SHISA9: variants seen among roughly 807,000 people sequenced by gnomAD.
SHISA9 encodes the protein shisa family member 9, also known as protein shisa-9.
In SHISA9, 13 loss-of-function variants were observed where a neutral mutation model predicts 38.0. That is an observed-to-expected ratio of 0.34 (90% CI 0.22 to 0.54). The LOEUF (loss-of-function observed/expected upper bound fraction) is 0.54. Among genes scored for constraint, SHISA9 ranks in the 20% least tolerant of loss-of-function variants. The pLI is 0.91. For missense variants in SHISA9, 538 were observed against 575.8 expected (o/e 0.93, Z 0.67); for synonymous variants, 275 against 242.0 (o/e 1.14, Z -1.27).
intron 2 of SHISA9, among the ~76,000 whole-genome samples, chr16:12,962,260 C>T (rs1383331621): frequency 6.6e-6 from 1 of 152,230 alleles, no homozygotes; most frequent in Non-Finnish European, 1.5e-5. Flanking sequence ...CAAGGACTTG[C>T]ACACAGACAG....
At chr16:13,472,377 A>ATTTTTTTTTTTTTTTTTTTTTTTTTT in the SHISA9 span, among the ~76,000 whole-genome samples, 1 of 55,416 alleles carries the variant, frequency 1.8e-5, no homozygotes, top group African/African-American at 7.3e-5. Flanking sequence ...GCTCTGCTAA[A>ATTTTTTTTTTTTTTTTTTTTTTTTTT]TTTTTTTTTT....
chr16:13,332,560 G>A, the SHISA9 span: 1 of 152,116 alleles, frequency 6.6e-6, no homozygotes, highest in East Asian at 1.9e-4. Flanking sequence ...CTTCAAATTG[G>A]ATTTAAAAGG....
At chr16:13,203,305 GTT>G in intron 2 of SHISA9, 87 bp from the exon 3 acceptor site, 1 of 1,281,898 alleles carries the variant, frequency 7.8e-7, no homozygotes, top group South Asian at 2.2e-5. Context: ...GGTGGGGAGA[GTT>G]TTGGTCTCCA....
chr16:12,926,904 A>C (rs2071399765), intron 2 of SHISA9, among the ~76,000 whole-genome samples: 1 of 152,124 alleles, frequency 6.6e-6, no homozygotes, highest in African/African-American at 2.4e-5. Context: ...ATTTTGTACA[A>C]ATTGCATACA....
intron 2 of SHISA9, among the ~76,000 whole-genome samples, chr16:12,976,513 T>A (rs906774384): frequency 2.0e-5 from 3 of 152,162 alleles, no homozygotes; most frequent in African/African-American, 7.2e-5. Flanking sequence ...TCTGACTAAT[T>A]CCTATTCCGC....
the SHISA9 span, among the ~76,000 whole-genome samples, chr16:13,461,504 T>A: frequency 6.7e-6 from 1 of 148,784 alleles, no homozygotes. Flanking sequence ...GCCTGACCCC[T>A]GGAGGCAGAA....
the SHISA9 span, among the ~76,000 whole-genome samples, chr16:13,364,176 A>T: frequency 6.6e-6 from 1 of 152,210 alleles, no homozygotes; most frequent in Non-Finnish European, 1.5e-5. Context: ...GAACTGACAG[A>T]TTTACTCTGC....
At chr16:13,365,753 C>T in the SHISA9 span, among the ~76,000 whole-genome samples, 13 of 152,292 alleles carry the variant, frequency 8.5e-5, no homozygotes, top group African/African-American at 2.9e-4. Flanking sequence ...GCCACTGTGC[C>T]TGGCCCCAGA....
At chr16:13,004,554 A>G (rs986552150) in intron 2 of SHISA9, among the ~76,000 whole-genome samples, 1 of 152,226 alleles carries the variant, frequency 6.6e-6, no homozygotes, top group Non-Finnish European at 1.5e-5. Context: ...TGCTTGGTGT[A>G]GAGTGGACTG....
chr16:13,152,300 T>C (rs2050506619), intron 2 of SHISA9, among the ~76,000 whole-genome samples: 1 of 152,230 alleles, frequency 6.6e-6, no homozygotes, highest in Non-Finnish European at 1.5e-5. Context: ...TGTCTATGTG[T>C]CTGCCTATCT....
the SHISA9 span, among the ~76,000 whole-genome samples, chr16:13,434,425 T>G: frequency 1.5e-4 from 20 of 132,368 alleles, 2 homozygotes; most frequent in Admixed American, 3.3e-4. Context: ...CTATGTTTTT[T>G]TTTTTTTTTT....
In SHISA9 at chr16:13,175,856, C is replaced by T. The variant is rs145341678; in HGVS notation, c.692-27538C>T. Among the ~76,000 whole-genome samples the T allele has an allele frequency of 1.2e-3, 190 of 152,160 alleles. 1 individual carries two copies. In the Middle Eastern group the frequency reaches 0.031, roughly 25 times the overall value. On this transcript the variant is annotated intron_variant, in intron 2 of 4. Coordinates refer to ENST00000558583, the MANE Select transcript of SHISA9 (RefSeq NM_001145204.3). ...GGGTGGGTGGGGGCTTTCCTTAGAA[C>T]GTCACATGTGAGGAGACCAAGCAAG... is the stretch of plus-strand genomic sequence containing the variant.
the SHISA9 span, among the ~76,000 whole-genome samples, chr16:13,354,218 A>G: frequency 7.5e-6 from 1 of 133,542 alleles, no homozygotes; most frequent in African/African-American, 2.8e-5. Flanking sequence ...ATAGATTTCC[A>G]CGATGGAAAG....
At chr16:13,173,599 G>A (rs1567235241) in intron 2 of SHISA9, among the ~76,000 whole-genome samples, 1 of 152,176 alleles carries the variant, frequency 6.6e-6, no homozygotes, top group Non-Finnish European at 1.5e-5. Context: ...AATGCCTAGA[G>A]ACATTTTTGG....
intron 2 of SHISA9, among the ~76,000 whole-genome samples, chr16:12,962,520 A>C (rs1363562082): frequency 6.6e-6 from 1 of 152,174 alleles, no homozygotes; most frequent in Non-Finnish European, 1.5e-5. Flanking sequence ...ATGAGGGTGG[A>C]GCTCCCATGA....
At chr16:13,416,883 AG>A in the SHISA9 span, among the ~76,000 whole-genome samples, 1 of 151,976 alleles carries the variant, frequency 6.6e-6, no homozygotes. Context: ...TGAAGGAAGA[AG>A]GAAGAGCAAG....
the SHISA9 span, among the ~76,000 whole-genome samples, chr16:13,499,627 T>TAA: frequency 3.9e-5 from 6 of 152,142 alleles, no homozygotes; most frequent in Admixed American, 1.3e-4. Context: ...TGTTTTATAA[T>TAA]AAAAAAACAT....
the SHISA9 span, among the ~76,000 whole-genome samples, chr16:13,325,472 C>G: frequency 6.6e-6 from 1 of 152,158 alleles, no homozygotes; most frequent in South Asian, 2.1e-4. Flanking sequence ...ATTCCTTTGG[C>G]CAAGATGGGA....
At chr16:13,283,015 T>C in the SHISA9 span, among the ~76,000 whole-genome samples, 1 of 152,164 alleles carries the variant, frequency 6.6e-6, no homozygotes, top group Non-Finnish European at 1.5e-5. Flanking sequence ...TTAATGACTT[T>C]ATTTTTCTTG....
Sources: gnomAD v4.1 joint callset for allele counts (sites outside exome capture counted in the v4.1 genomes callset) on GRCh38, gnomAD v4.1.1 for gene constraint, MANE v1.5 for transcripts, NCBI Gene and HGNC (gene_info 2026-07-23, HGNC 2026-07-21) for gene names.